The following STRN4 variants were observed in gnomAD, a reference collection of about 807,000 sequenced individuals.
STRN4 encodes striatin-4.
Under a neutral mutation model 77.9 loss-of-function variants are expected in STRN4, and 27 were observed. That is an observed-to-expected ratio of 0.35 (90% CI 0.26 to 0.48). The LOEUF is 0.48. STRN4 is among the 20% of genes least tolerant of loss of function. STRN4 has a pLI of 0.99. For missense variants in STRN4, 798 were observed against 1,049.7 expected, an observed-to-expected ratio of 0.76 and a Z score of 3.31; for synonymous variants, 466 against 443.1, an observed-to-expected ratio of 1.05 and a Z score of -0.65.
At chr19:46,732,831 T>C (rs566408132) in intron 5 of STRN4, 3 of 600,654 alleles carry the variant, frequency 5.0e-6, no homozygotes, top group African/African-American at 1.9e-5. Flanking sequence ...GATGAGGCCA[T>C]GGCGAAGTGT....
intron 7 of STRN4, chr19:46,728,365 C>T: frequency 1.7e-6 from 1 of 598,968 alleles, no homozygotes; most frequent in Non-Finnish European, 2.9e-6. Context: ...TGGACGCCCG[C>T]CCTGGAGGGC....
intron 1 of STRN4, 103 bp downstream of exon 1, chr19:46,746,046 G>A (rs1438422244): frequency 4.8e-5 from 50 of 1,042,088 alleles, no homozygotes; most frequent in Non-Finnish European, 5.8e-5. Context: ...CCCGCCGGCC[G>A]TCCCGGCGGC....
chr19:46,746,080 G>GGCGGCA, intron 1 of STRN4, 69 bp downstream of exon 1: 1 of 1,327,830 alleles, frequency 7.5e-7, no homozygotes, highest in Non-Finnish European at 9.6e-7. Flanking sequence ...TGGCGGCGGC[G>GGCGGCA]GCGGCAGCGG....
intron 4 of STRN4, among the ~76,000 whole-genome samples, chr19:46,734,915 C>T (rs776497063): frequency 3.3e-5 from 5 of 152,286 alleles, no homozygotes; most frequent in African/African-American, 4.8e-5. Context: ...CTGCCCGCCT[C>T]GGCCTCCCAA....
intron 3 of STRN4, among the ~76,000 whole-genome samples, chr19:46,737,291 A>T (rs2054385707): frequency 6.6e-6 from 1 of 152,214 alleles, no homozygotes; most frequent in Admixed American, 6.5e-5. Flanking sequence ...TAATGATAAC[A>T]GCATCTCCCT....
At chr19:46,727,038 A>G (rs2054133358) in intron 9 of STRN4, among the ~76,000 whole-genome samples, 1 of 151,692 alleles carries the variant, frequency 6.6e-6, no homozygotes. Flanking sequence ...ATACACCCAC[A>G]CCAAAAGCTC....
At chr19:46,742,773 C>A (rs368298813) in intron 1 of STRN4, among the ~76,000 whole-genome samples, 1 of 152,146 alleles carries the variant, frequency 6.6e-6, no homozygotes, top group African/African-American at 2.4e-5. Context: ...ATATCGGCCA[C>A]GCTGGTCTTG....
intron 9 of STRN4, 114 bp downstream of exon 9, chr19:46,727,338 C>T (rs1599868152): frequency 1.2e-6 from 1 of 865,092 alleles, no homozygotes; most frequent in Non-Finnish European, 1.8e-6. Context: ...ACATCTGCAC[C>T]CCTCTGTGAA....
chr19:46,739,217 G>A (rs918775309), intron 1 of STRN4: 4 of 366,418 alleles, frequency 1.1e-5, no homozygotes, highest in Admixed American at 7.4e-5. Context: ...TGGAGAGGAG[G>A]GTGGGCATTC....
chr19:46,740,877 A>G (rs1296071688), intron 1 of STRN4, among the ~76,000 whole-genome samples: 1 of 152,160 alleles, frequency 6.6e-6, no homozygotes, highest in Non-Finnish European at 1.5e-5. Context: ...GCGACAATTC[A>G]GCTAAGGCCT....
intron 14 of STRN4, among the ~76,000 whole-genome samples, 198 bp downstream of exon 14, chr19:46,722,612 T>A (rs1448906664): frequency 6.6e-6 from 1 of 152,150 alleles, no homozygotes; most frequent in Non-Finnish European, 1.5e-5. Flanking sequence ...TGACGCGCTC[T>A]CCCCACTCAG....
In STRN4 at chr19:46,746,217, T is replaced by C. The variant is rs1226700023; in HGVS notation, c.214A>G (p.Ile72Val). 1.3e-6 allele frequency: 2 copies of C among 1,536,610 alleles called. No homozygotes were observed. The highest frequency in any genetic ancestry group is 2.9e-5 in the African/African-American group (2 of 69,782). The change falls in exon 1 of 18, where the codon ATC (isoleucine) becomes GTC (valine). Residue 72 changes from isoleucine to valine, a missense_variant. By Grantham distance (29) the Ile-to-Val change is conservative. This residue lies in a region of STRN4 where 511 missense variants were observed against 575.9 expected (regional missense o/e 0.89). Transcript: ENST00000263280. ...PLSLPGILHF[I>V]QHEWARFEAE... ...TCGAAGCGCGCCCACTCGTGCTGGA[T>C]AAAGTGCAGGATCCCCGGCAGGCTC...
rs1221361613 is a variant in STRN4 at position 46,738,609 on chromosome 19, C to T, written c.386+176G>A. Among the ~76,000 whole-genome samples, 1 of 152,208 alleles carries T rather than the reference C, an allele frequency of 6.6e-6. No homozygotes were observed. The highest frequency in any genetic ancestry group is 1.9e-4 in the East Asian group (1 of 5,202). On this transcript the variant is annotated intron_variant, in intron 2 of 17. Coordinates refer to ENST00000263280, the MANE Select transcript of STRN4 (RefSeq NM_013403.3). The surrounding 1 kb of genome is among the most constrained non-coding windows in gnomAD (Gnocchi z 4.5). ...CGTGAATATCGTTCCTGGTGTCTAA[C>T]CCAAATCCCACCTACTCTGTCCTGT...
Position 46,724,249 on chromosome 19 carries a change from C to CA in STRN4, c.1594+557dup, listed in dbSNP as rs71970589. ...GGTGACAGAGTGAGACTCTTTGTCT[C>CA]AAAAAAAAAAAAAAAAAAAAAAAAA... On this transcript the variant is annotated intron_variant, in intron 12 of 17. Coordinates refer to ENST00000263280, the MANE Select transcript of STRN4 (RefSeq NM_013403.3). 6.2e-3 allele frequency among the ~76,000 whole-genome samples: 537 copies of CA among 87,120 alleles called. 31 individuals are homozygous for CA. In the East Asian group the frequency reaches 0.086, roughly 14 times the overall value. 57.2% of individuals were successfully genotyped at this position (87,120 alleles called of 152,430 possible).
chr19:46,746,294 T>A lies in STRN4; in HGVS notation c.137A>T (p.Lys46Met). 1 of 1,410,886 alleles carries A rather than the reference T, an allele frequency of 7.1e-7. No homozygotes were observed. The highest frequency in any genetic ancestry group is 9.2e-7 in the Non-Finnish European group (1 of 1,084,540). 87.4% of individuals were successfully genotyped at this position (1,410,886 alleles called of 1,614,324 possible). ...APAPGPGPAG[K>M]GGGGGGSPGP... ...GGGGCTGCCTCCGCCGCCGCCTCCC[T>A]TACCTGCCGGGCCCGGCCCGGGGGC... Residue 46 changes from lysine to methionine, a missense_variant, in exon 1 of 18, where the codon AAG (lysine) becomes ATG (methionine). Lys to Met is a moderately conservative substitution (Grantham distance 95, BLOSUM62 -1). Around this residue, in one of 2 missense-constraint regions of STRN4, gnomAD observed 511 missense variants for 575.9 expected, o/e 0.89. Transcript: ENST00000263280.
At chr19:46,728,153 G>T in intron 7 of STRN4, 146 bp from the exon 8 acceptor site, 1 of 804,080 alleles carries the variant, frequency 1.2e-6, no homozygotes, top group Non-Finnish European at 2.1e-6. Flanking sequence ...ATGGGCAGAG[G>T]AGAGGAGGTT....
chr19:46,746,011 G>A, intron 1 of STRN4, 138 bp downstream of exon 1: 1 of 1,125,162 alleles, frequency 8.9e-7, no homozygotes, highest in African/African-American at 1.6e-5. Flanking sequence ...CGCCCTCCGG[G>A]ACCGTCGCGG....
In STRN4 at chr19:46,746,151, G is replaced by T; in HGVS notation, c.280C>A (p.Gln94Lys). 1 of 1,522,154 alleles carries T rather than the reference G, an allele frequency of 6.6e-7. No homozygotes were observed. The allele number at this position is 1,522,154 out of a possible 1,614,324, so 94.3% of individuals were successfully genotyped here. The change falls in exon 1 of 18, where the codon CAG becomes AAG. Residue 94 changes from glutamine (Q) to lysine (K), a missense_variant and splice_region_variant. Coordinates refer to ENST00000263280, the MANE Select transcript of STRN4 (RefSeq NM_013403.3). ...ARWEAERAEL[Q>K]AQVAFLQGER... is the part of the protein sequence containing the mutation. ...GGGGGTCCCGGGACAGCGCTCACCT[G>T]TAACTCGGCGCGCTCGGCCTCCCAG...
intron 15 of STRN4, 41 bp downstream of exon 15, chr19:46,722,201 G>A: frequency 6.2e-7 from 1 of 1,604,380 alleles, no homozygotes; most frequent in Non-Finnish European, 8.5e-7. Flanking sequence ...CCTGCCTCTG[G>A]CCCTCCCCAC....
Sources: allele counts gnomAD v4.1 joint callset (sites outside exome capture counted in the v4.1 genomes callset), GRCh38; gene constraint gnomAD v4.1.1; regional missense constraint gnomAD v4.1.1; non-coding constraint Gnocchi (gnomAD v3.1); transcripts MANE v1.5; gene names NCBI Gene and HGNC (gene_info 2026-07-23, HGNC 2026-07-21).